PCDHGA1: variants seen among roughly 807,000 people sequenced by gnomAD.
PCDHGA1 encodes protocadherin gamma-A1.
In PCDHGA1, 32 loss-of-function variants were observed where a neutral mutation model predicts 58.0. The ratio of observed to expected loss-of-function variants is 0.55; its 90% CI spans 0.42 to 0.74. The LOEUF (loss-of-function observed/expected upper bound fraction) is 0.74. Among genes scored for constraint, PCDHGA1 ranks in the 30% least tolerant of loss-of-function variants. The probability of loss-of-function intolerance (pLI) is 0.00; values close to 1 mark genes in which losing one functional copy is unlikely to be tolerated. For synonymous variants in PCDHGA1, 498 were observed against 501.1 expected (o/e 0.99, Z 0.08); for missense variants, 1,205 against 1,182.3 (o/e 1.02, Z -0.28).
chr5:141,408,752 G>A (rs780102602), intron 1 of PCDHGA1: 8 of 1,610,388 alleles, frequency 5.0e-6, no homozygotes, highest in Non-Finnish European at 5.9e-6. Flanking sequence ...AATGGTTAGA[G>A]TTAATTCCGA....
intron 1 of PCDHGA1, chr5:141,408,785 T>C: frequency 6.2e-7 from 1 of 1,612,308 alleles, no homozygotes; most frequent in Non-Finnish European, 8.5e-7. Context: ...CCCAGAGTTA[T>C]CTCTGGAGAA....
Position 141,454,782 on chromosome 5 carries a change from C to A in PCDHGA1, c.2422-40025C>A, listed in dbSNP as rs116242508. On this transcript the variant is annotated intron_variant, in intron 1 of 3. Transcript: ENST00000517417. ...GACATGTTTTTTACAAGGAAATAAT[C>A]CTCCATGGTTCTAATTTTTTTTTTT... is the stretch of plus-strand genomic sequence containing the variant. 8.4e-3 allele frequency among the ~76,000 whole-genome samples: 1,205 copies of A among 143,216 alleles called. 20 individuals are homozygous for A. Among genetic ancestry groups the A allele is most frequent in the African/African-American group, 0.03 (1,150 of 37,952 alleles). The allele number at this position is 143,216 out of a possible 152,430, so 94.0% of individuals were successfully genotyped here. A position where few individuals can be genotyped will look rare whatever the true frequency, so the allele number is the denominator to read the frequency against.
intron 1 of PCDHGA1, chr5:141,404,708 T>C: frequency 6.2e-7 from 1 of 1,614,064 alleles, no homozygotes; most frequent in Non-Finnish European, 8.5e-7. Context: ...AGAGCCTGGC[T>C]ACCTGGTGAC....
chr5:141,491,368 A>G lies in PCDHGA1; in HGVS notation c.2422-3439A>G. ...CAGTCTCTTATCCCTAGTCACCTTC[A>G]CCTTTCTGTCAGCGAAGTGCCTTCA... On this transcript the variant is annotated intron_variant, in intron 1 of 3. Transcript: ENST00000517417. This position sits in a 1 kb window ranked among gnomAD's most constrained non-coding sequence, Gnocchi z 6.9. 6.2e-7 allele frequency: 1 copy of G among 1,613,842 alleles called. No homozygotes were observed. The highest frequency in any genetic ancestry group is 8.5e-7 in the Non-Finnish European group (1 of 1,179,940).
chr5:141,338,778 C>G, intron 1 of PCDHGA1: 1 of 1,297,658 alleles, frequency 7.7e-7, no homozygotes, highest in East Asian at 2.8e-5. Context: ...AATACGGCTC[C>G]CACAGCACAA....
At chr5:141,341,440 G>A in intron 1 of PCDHGA1, 1 of 1,610,764 alleles carries the variant, frequency 6.2e-7, no homozygotes, top group East Asian at 2.2e-5. Flanking sequence ...GTTTGCTGAA[G>A]TAATTCACTT....
intron 1 of PCDHGA1, chr5:141,339,963 C>T (rs767074636): frequency 6.2e-6 from 10 of 1,613,874 alleles, no homozygotes; most frequent in Admixed American, 5.0e-5. Context: ...CTAACCAGAG[C>T]GAAGGTTATC....
intron 1 of PCDHGA1, chr5:141,351,201 G>T: frequency 1.9e-6 from 3 of 1,614,058 alleles, no homozygotes; most frequent in Non-Finnish European, 2.5e-6. Flanking sequence ...TATGTGTTGA[G>T]TGTGGAAGCT....
intron 1 of PCDHGA1, among the ~76,000 whole-genome samples, chr5:141,483,547 G>A (rs1202182188): frequency 6.6e-6 from 1 of 152,140 alleles, no homozygotes. Context: ...GGTTGACAGT[G>A]CCATTCACAG....
At chr5:141,438,305 G>T (rs1287488865) in intron 1 of PCDHGA1, among the ~76,000 whole-genome samples, 2 of 151,822 alleles carry the variant, frequency 1.3e-5, no homozygotes, top group East Asian at 1.9e-4. Context: ...AAAGAAGTTG[G>T]TACCACCATA....
At chr5:141,372,619 C>G (rs771812483) in intron 1 of PCDHGA1, 1 of 1,613,968 alleles carries the variant, frequency 6.2e-7, no homozygotes, top group Non-Finnish European at 8.5e-7. Context: ...GTTCTCCCCA[C>G]CTACAGCGAA....
chr5:141,374,906 G>A (rs1200666906), intron 1 of PCDHGA1: 5 of 1,613,650 alleles, frequency 3.1e-6, no homozygotes, highest in South Asian at 2.2e-5. Context: ...AGGAGTCCAC[G>A]GGGAAGTAAC....
At chr5:141,383,688 G>A (rs1246896425) in intron 1 of PCDHGA1, 6 of 1,614,008 alleles carry the variant, frequency 3.7e-6, no homozygotes, top group Non-Finnish European at 5.1e-6. Context: ...GACTGCTCAC[G>A]GTACATGCTA....
chr5:141,469,284 A>G lies in PCDHGA1; in HGVS notation c.2422-25523A>G, dbSNP rs192391622. On this transcript the variant is annotated intron_variant, in intron 1 of 3. Transcript: ENST00000517417. ...AGAGCAAGACCCCATCTCAAAAAAT[A>G]AAACAAAATAGACTGGGCACGATGG... Among the ~76,000 whole-genome samples, 595 of 152,012 alleles carry G rather than the reference A, an allele frequency of 3.9e-3. 6 individuals are homozygous for G. The highest frequency in any genetic ancestry group is 0.011 in the Admixed American group (171 of 15,260).
In PCDHGA1 at chr5:141,421,044, C is replaced by A. The variant is rs556562994; in HGVS notation, c.2422-73763C>A. 5.5e-6 allele frequency: 3 copies of A among 548,610 alleles called. No individual in the cohort carries two copies. In the South Asian group the frequency reaches 8.2e-5, roughly 15 times the overall value. The allele number at this position is 548,610 out of a possible 1,614,324, so 34.0% of individuals were successfully genotyped here. A position where few individuals can be genotyped will look rare whatever the true frequency, so the allele number is the denominator to read the frequency against. ...CGCGCCATTGAGTCCCTCCCTCCCCCGCCTCTACCACACAAAGCGGAATGA... is the reference window on the plus strand; with the variant it reads ...CGCGCCATTGAGTCCCTCCCTCCCCAGCCTCTACCACACAAAGCGGAATGA... On this transcript the variant is annotated intron_variant, in intron 1 of 3. Transcript: ENST00000517417.
At chr5:141,422,900 A>G (rs2096684887) in intron 1 of PCDHGA1, 2 of 1,614,220 alleles carry the variant, frequency 1.2e-6, no homozygotes, top group South Asian at 2.2e-5. Flanking sequence ...GACCAGAACG[A>G]CAATGCGCCC....
rs763451417 is a variant in PCDHGA1, at chr5:141,408,628, T to G, written c.2421+75523T>G. On this transcript the variant is annotated intron_variant, in intron 1 of 3. Transcript: ENST00000517417. The stretch of plus-strand genomic sequence containing the variant: ...ATAAAAAGGAAATACATTTAGAAAT[T>G]TTCGAATCTGCATCCGCTGGTACAC... The G allele has an allele frequency of 3.7e-6, 6 of 1,613,920 alleles. No individual in the cohort carries two copies. In the Admixed American group the frequency reaches 1.0e-4, roughly 27 times the overall value.
In PCDHGA1 at chr5:141,490,670, C is replaced by A. The variant is rs1003577285; in HGVS notation, c.2422-4137C>A. ...CCGGGCTCCCTTCTTTGCACTGTGG[C>A]TGCCTCAGATCCAGACACTGGGGAT... On this transcript the variant is annotated intron_variant, in intron 1 of 3. Coordinates refer to ENST00000517417, the MANE Select transcript of PCDHGA1 (RefSeq NM_018912.3). This position sits in a 1 kb window ranked among gnomAD's most constrained non-coding sequence, Gnocchi z 5.4. 4 of 1,614,194 alleles carry A rather than the reference C, an allele frequency of 2.5e-6. No homozygotes were observed. The highest frequency in any genetic ancestry group is 3.4e-6 in the Non-Finnish European group (4 of 1,179,986).
Position 141,501,290 on chromosome 5 carries a change from TACACACAC to T in PCDHGA1, c.2481-4066_2481-4059del, listed in dbSNP as rs55762287. 3.7e-3 allele frequency among the ~76,000 whole-genome samples: 499 copies of T among 136,222 alleles called. 2 individuals carry two copies. Among genetic ancestry groups the T allele is most frequent in the Middle Eastern group, 0.033 (9 of 270 alleles). 89.4% of individuals were successfully genotyped at this position (136,222 alleles called of 152,430 possible). On this transcript the variant is annotated intron_variant, in intron 2 of 3. Transcript: ENST00000517417. ...GTCCAGTCTATGGGATATTCCCTTA[TACACACAC>T]ACACACACACACACACACACACACA... is the stretch of plus-strand genomic sequence containing the variant.
Sources: allele counts gnomAD v4.1 joint callset (sites outside exome capture counted in the v4.1 genomes callset), GRCh38; gene constraint gnomAD v4.1.1; non-coding constraint Gnocchi (gnomAD v3.1); transcripts MANE v1.5; gene names NCBI Gene and HGNC (gene_info 2026-07-23, HGNC 2026-07-21).